AGMO: variants seen among roughly 807,000 people sequenced by gnomAD.
The protein encoded by AGMO is glyceryl-ether monooxygenase.
Under a neutral mutation model 60.2 loss-of-function variants are expected in AGMO, and 75 were observed. That is an observed-to-expected ratio of 1.25 (90% confidence interval 1.03 to 1.51). The LOEUF is 1.51. Among genes scored for constraint, AGMO ranks in the 40% most tolerant of loss-of-function variants. The pLI, the probability that AGMO is intolerant of heterozygous loss-of-function variation, is 0.00. For missense variants in AGMO, 763 were observed against 525.5 expected (o/e 1.45, Z -4.42); for synonymous variants, 261 against 177.1 (o/e 1.47, Z -3.76).
the AGMO span, among the ~76,000 whole-genome samples, chr7:15,161,732 T>C: frequency 8.2e-3 from 1,240 of 151,844 alleles, 17 homozygotes; most frequent in African/African-American, 0.028. Context: ...TGTAATCACA[T>C]ACATGTATAC....
At chr7:15,503,718 G>A (rs541712653) in intron 3 of AGMO, among the ~76,000 whole-genome samples, 1 of 152,086 alleles carries the variant, frequency 6.6e-6, no homozygotes, top group East Asian at 1.9e-4. Context: ...ATATTTGAAT[G>A]TCATTGAAAT....
intron 12 of AGMO, among the ~76,000 whole-genome samples, chr7:15,277,384 TTAGGGTC>T (rs1448615649): frequency 6.6e-6 from 1 of 152,118 alleles, no homozygotes; most frequent in Non-Finnish European, 1.5e-5. Flanking sequence ...TTCACTTCAG[TTAGGGTC>T]TATTACTAGA....
intron 12 of AGMO, among the ~76,000 whole-genome samples, chr7:15,223,959 C>T (rs1022215801): frequency 6.6e-6 from 1 of 151,950 alleles, no homozygotes; most frequent in African/African-American, 2.4e-5. Context: ...TGGCTGGAGG[C>T]TATCAAGTAA....
At chr7:15,369,449 T>C (rs1281686661) in intron 10 of AGMO, among the ~76,000 whole-genome samples, 1 of 152,110 alleles carries the variant, frequency 6.6e-6, no homozygotes, top group South Asian at 2.1e-4. Context: ...GCCAGAAATT[T>C]TCCTGTTCCT....
chr7:15,229,443 T>A (rs1402847887), intron 12 of AGMO, among the ~76,000 whole-genome samples: 5 of 150,748 alleles, frequency 3.3e-5, no homozygotes, highest in Non-Finnish European at 7.4e-5. Context: ...GGGGTTTTTG[T>A]CTCGCTACTT....
At chr7:15,229,643 G>T (rs536960212) in intron 12 of AGMO, among the ~76,000 whole-genome samples, 1 of 148,148 alleles carries the variant, frequency 6.8e-6, no homozygotes, top group East Asian at 2.0e-4. Context: ...ATTAAAAATG[G>T]ATTCCTTTAT....
chr7:15,329,048 C>G (rs953141531), intron 12 of AGMO, among the ~76,000 whole-genome samples: 5 of 152,114 alleles, frequency 3.3e-5, no homozygotes, highest in African/African-American at 1.2e-4. Context: ...CTTCACTATC[C>G]TTCCTCCCCT....
the AGMO span, among the ~76,000 whole-genome samples, chr7:15,146,624 C>G: frequency 6.6e-6 from 1 of 151,980 alleles, no homozygotes; most frequent in Non-Finnish European, 1.5e-5. Flanking sequence ...AAAACTAAAA[C>G]CAACAAGCAT....
chr7:15,394,944 C>T (rs1427002617), intron 5 of AGMO, among the ~76,000 whole-genome samples: 1 of 152,022 alleles, frequency 6.6e-6, no homozygotes. Flanking sequence ...TCTTAGATTC[C>T]CCTAGTTCTG....
At position 15,394,080 on chromosome 7, in the gene AGMO, GAAGAA is replaced by G. The variant is rs1373204500; in HGVS notation, c.676+28_676+32del. The G allele has an allele frequency of 2.7e-6, 4 of 1,504,686 alleles. No individual in the cohort carries two copies. In the East Asian group the frequency reaches 9.0e-5, roughly 34 times the overall value. The allele number at this position is 1,504,686 out of a possible 1,614,324, so 93.2% of individuals were successfully genotyped here. A position where few individuals can be genotyped will look rare whatever the true frequency, so the allele number is the denominator to read the frequency against. ...ATAATAATGCAATTTTTAGAGAAATGAAGAAAAGAGAGAAGAAACAAAACTTCCTT... is the reference window on the plus strand; with the variant it reads ...ATAATAATGCAATTTTTAGAGAAATGAAGAGAGAAGAAACAAAACTTCCTT... On this transcript the variant is annotated intron_variant, in intron 6 of 12. Transcript: ENST00000342526.
chr7:15,262,862 A>T (rs1169640517), intron 12 of AGMO, among the ~76,000 whole-genome samples: 1 of 152,128 alleles, frequency 6.6e-6, no homozygotes, highest in Non-Finnish European at 1.5e-5. Flanking sequence ...TGGTTCTGGG[A>T]TACCTGGCAA....
intron 5 of AGMO, among the ~76,000 whole-genome samples, chr7:15,397,507 G>C (rs1644394346): frequency 1.3e-5 from 2 of 152,170 alleles, no homozygotes; most frequent in Non-Finnish European, 2.9e-5. Context: ...CTGACGCCCA[G>C]GCCAAGAAGG....
intron 3 of AGMO, among the ~76,000 whole-genome samples, chr7:15,447,670 C>A (rs780922063): frequency 6.6e-6 from 1 of 152,094 alleles, no homozygotes; most frequent in African/African-American, 2.4e-5. Context: ...CCTGCCTGAG[C>A]CTCGCAGGTA....
chr7:15,373,434 A>G (rs560673871), intron 10 of AGMO, among the ~76,000 whole-genome samples: 1 of 152,300 alleles, frequency 6.6e-6, no homozygotes, highest in African/African-American at 2.4e-5. Flanking sequence ...AGGTATCATT[A>G]ACAACACAAA....
intron 3 of AGMO, among the ~76,000 whole-genome samples, chr7:15,499,096 A>G (rs1204877351): frequency 1.3e-5 from 2 of 151,854 alleles, no homozygotes; most frequent in Admixed American, 6.6e-5. Flanking sequence ...AGATCTTTTC[A>G]AAGAAGATCA....
chr7:15,198,267 GAGAGAGTGTGTTAA>G (rs1563030543), downstream of AGMO, among the ~76,000 whole-genome samples: 5 of 111,128 alleles, frequency 4.5e-5, no homozygotes, highest in Non-Finnish European at 9.2e-5. Context: ...CAGAGACAGA[GAGAGAGTGTGTTAA>G]AGTCCTTCCA....
chr7:15,428,850 G>A (rs1438521571), intron 4 of AGMO, among the ~76,000 whole-genome samples: 1 of 151,996 alleles, frequency 6.6e-6, no homozygotes, highest in Non-Finnish European at 1.5e-5. Flanking sequence ...GGAGATTTCA[G>A]TTGTCTTTAA....
intron 3 of AGMO, among the ~76,000 whole-genome samples, chr7:15,491,137 T>C (rs951896800): frequency 2.0e-5 from 3 of 152,186 alleles, no homozygotes; most frequent in Admixed American, 6.5e-5. Flanking sequence ...TCAACAAAGA[T>C]GCATCAAATA....
At chr7:15,554,426 G>T (rs1785069291) in intron 2 of AGMO, among the ~76,000 whole-genome samples, 1 of 152,048 alleles carries the variant, frequency 6.6e-6, no homozygotes, top group South Asian at 2.1e-4. Flanking sequence ...GACCAGGAAA[G>T]TGATCTAAAT....
Sources: gnomAD v4.1 joint callset for allele counts (sites outside exome capture counted in the v4.1 genomes callset) on GRCh38, gnomAD v4.1.1 for gene constraint, MANE v1.5 for transcripts, NCBI Gene and HGNC (gene_info 2026-07-23, HGNC 2026-07-21) for gene names.